Variants in PLCB3 observed in about 807,000 individuals in gnomAD.
The protein encoded by PLCB3 is 1-phosphatidylinositol 4,5-bisphosphate phosphodiesterase beta-3.
PLCB3 carries 54 observed loss-of-function variants against 152.1 expected under a neutral mutation model. The ratio of observed to expected loss-of-function variants is 0.36; its 90% CI spans 0.29 to 0.45. PLCB3 has a LOEUF of 0.45. PLCB3 is among the 20% of genes least tolerant of loss of function. The pLI, the probability that PLCB3 is intolerant of heterozygous loss-of-function variation, is 1.00. For synonymous variants in PLCB3, 717 were observed against 698.7 expected (o/e 1.03, Z -0.41); for missense variants, 1,248 against 1,687.5 (o/e 0.74, Z 4.56).
Position 64,260,196 on chromosome 11 carries a change from G to A in PLCB3, c.1693G>A (p.Glu565Lys). Reference protein sequence around the residue: ...REDEEEDEEEEEQTDPKKPTT... With the variant: ...REDEEEDEEEKEQTDPKKPTT... ...GGATGAGGAGGAAGATGAGGAAGAG[G>A]AGGAACAGACAGACCCCAAAAAGCC... is the stretch of plus-strand genomic sequence containing the variant. Residue 565 changes from glutamate (E) to lysine (K), a missense_variant, in exon 14 of 31, where the codon GAG (glutamate) becomes AAG (lysine). Transcript: ENST00000279230. The A allele has an allele frequency of 1.3e-6, 2 of 1,588,170 alleles. No individual in the cohort carries two copies. The highest frequency in any genetic ancestry group is 2.3e-5 in the South Asian group (2 of 87,794).
At chr11:64,259,402 G>T (rs1159337771) in intron 13 of PLCB3, among the ~76,000 whole-genome samples, 158 bp downstream of exon 13, 1 of 152,100 alleles carries the variant, frequency 6.6e-6, no homozygotes. Context: ...CTGTCGGCTG[G>T]TGTGGGGCCT....
chr11:64,258,769 A>T lies in PLCB3; in HGVS notation c.1253+56A>T. 6.2e-7 allele frequency: 1 copy of T among 1,608,846 alleles called. No individual in the cohort carries two copies. Among genetic ancestry groups the T allele is most frequent in the Non-Finnish European group, 8.5e-7 (1 of 1,176,328 alleles). On this transcript the variant is annotated intron_variant, in intron 11 of 30. Transcript: ENST00000279230. The surrounding 1 kb of genome is among the most constrained non-coding windows in gnomAD (Gnocchi z 7.2). ...GACCGGGGGACAGTCTTCCAGCTTC[A>T]GTGCTGTTGGACTGCTCAGGGACCT...
rs2031852581 is a variant in PLCB3, at chr11:64,261,576, C to T, written c.1829-5C>T. The T allele has an allele frequency of 6.2e-7, 1 of 1,614,150 alleles. No homozygotes were observed. The highest frequency in any genetic ancestry group is 8.5e-7 in the Non-Finnish European group (1 of 1,179,978). Reference sequence around the variant, plus strand: ...TCTGACGCCCTTTCTTGGCTCACCCCTAAGAGAGGAACAAATGCTTCGAGA... The same window carrying T: ...TCTGACGCCCTTTCTTGGCTCACCCTTAAGAGAGGAACAAATGCTTCGAGA... On this transcript the variant is annotated splice_region_variant and splice_polypyrimidine_tract_variant and intron_variant, in intron 15 of 30. Coordinates refer to ENST00000279230, the MANE Select transcript of PLCB3 (RefSeq NM_000932.5).
intron 13 of PLCB3, among the ~76,000 whole-genome samples, chr11:64,259,715 A>G (rs149186897): frequency 2.4e-4 from 36 of 151,754 alleles, no homozygotes; most frequent in African/African-American, 8.2e-4. Context: ...TAACCTCTCT[A>G]TGTCATCCCT....
Position 64,251,538 on chromosome 11 carries a change from G to T in PLCB3, c.-112G>T, listed in dbSNP as rs910487163. 2.0e-5 allele frequency: 4 copies of T among 196,064 alleles called. No homozygotes were observed. Among genetic ancestry groups the T allele is most frequent in the African/African-American group, 2.8e-5 (1 of 35,174 alleles). 12.1% of individuals were successfully genotyped at this position (196,064 alleles called of 1,614,324 possible). A position where few individuals can be genotyped will look rare whatever the true frequency, so the allele number is the denominator to read the frequency against. On this transcript the variant is annotated 5_prime_UTR_variant, in exon 1 of 31. Transcript: ENST00000279230. ...TCTGGTCGGTCCGGGACAGACTGGC[G>T]GGCGGGCGGGCACTGACGCCGCGGG...
intron 1 of PLCB3, 57 bp from the exon 2 acceptor site, chr11:64,254,358 C>T: frequency 1.4e-6 from 2 of 1,422,788 alleles, no homozygotes; most frequent in Non-Finnish European, 2.0e-6. Context: ...GCCCCAGGGG[C>T]CAGGCCTGCA....
At chr11:64,254,211 G>A (rs1297241809) in intron 1 of PLCB3, among the ~76,000 whole-genome samples, 1 of 152,118 alleles carries the variant, frequency 6.6e-6, no homozygotes, top group Admixed American at 6.5e-5. Flanking sequence ...GAGGCTTTGA[G>A]GTAGGTGTGA....
rs200819545 is a variant in PLCB3, at chr11:64,259,069, C to T, written c.1350C>T (p.Gly450=). The T allele has an allele frequency of 4.3e-6, 7 of 1,611,642 alleles. No individual in the cohort carries two copies. Among genetic ancestry groups the T allele is most frequent in the South Asian group, 2.2e-5 (2 of 90,912 alleles). Residue 450 remains glycine (G), a synonymous_variant, in exon 13 of 31, where the codon GGC becomes GGT. Coordinates refer to ENST00000279230, the MANE Select transcript of PLCB3 (RefSeq NM_000932.5). The stretch of plus-strand genomic sequence containing the variant: ...CCATGCCTGCCCAGCTGGCCCCAGG[C>T]GTTCCCCTGCCCAGCCCCCAGGACC... ...EPLDKYPLAP[G]VPLPSPQDLM...
intron 21 of PLCB3, 61 bp downstream of exon 21, chr11:64,263,856 C>T: frequency 1.4e-6 from 2 of 1,437,704 alleles, no homozygotes; most frequent in African/African-American, 1.4e-5. Context: ...GGGCCACCCC[C>T]AGGGCCTGGG....
chr11:64,264,011 C>G lies in PLCB3; in HGVS notation c.2561-10C>G. On this transcript the variant is annotated splice_polypyrimidine_tract_variant and intron_variant, in intron 21 of 30. Coordinates refer to ENST00000279230, the MANE Select transcript of PLCB3 (RefSeq NM_000932.5). ...TGTCTCTGAGACCTTGGCCTTCTGC[C>G]TCCCCCCAGACTATGCGGAGGCCCT... The G allele has an allele frequency of 6.4e-7, 1 of 1,567,532 alleles. No homozygotes were observed. Among genetic ancestry groups the G allele is most frequent in the South Asian group, 1.2e-5 (1 of 84,226 alleles).
rs753387328 is a variant in PLCB3, at chr11:64,263,581, C to T, written c.2439C>T (p.Val813=). 1 of 1,612,218 alleles carries T rather than the reference C, an allele frequency of 6.2e-7. No homozygotes were observed. Among genetic ancestry groups the T allele is most frequent in the Non-Finnish European group, 8.5e-7 (1 of 1,179,044 alleles). Residue 813 remains valine (V), a synonymous_variant, in exon 20 of 31, where the codon GTC becomes GTT. Coordinates refer to ENST00000279230, the MANE Select transcript of PLCB3 (RefSeq NM_000932.5). The part of the protein sequence containing the change: ...GKFVGHRILP[V]SAIRSGYHYV... ...TCGTAGGGCACCGGATCCTGCCTGT[C>T]TCTGCCATCCGCTCCGGTGAGGCCT...
chr11:64,256,583 C>T (rs1427221727), intron 9 of PLCB3, 35 bp from the exon 10 acceptor site: 1 of 1,613,216 alleles, frequency 6.2e-7, no homozygotes, highest in African/African-American at 1.3e-5. Flanking sequence ...GCAGGTGGGA[C>T]CCCAGCTGAC....
At chr11:64,263,819 T>C (rs2135062056) in intron 21 of PLCB3, 24 bp downstream of exon 21, 1 of 1,588,272 alleles carries the variant, frequency 6.3e-7, no homozygotes, top group Non-Finnish European at 8.6e-7. Flanking sequence ...GGGCGGGGCC[T>C]GCCTGGCCAG....
Position 64,262,684 on chromosome 11 carries a change from G to T in PLCB3, c.2231G>T (p.Gly744Val). The change falls in exon 19 of 31, where the codon GGC (glycine) becomes GTC (valine). Residue 744 changes from glycine to valine, a missense_variant. Coordinates refer to ENST00000279230, the MANE Select transcript of PLCB3 (RefSeq NM_000932.5). ...SGQFLSDRKV[G>V]IYVEVDMFGL... is the part of the protein sequence containing the mutation. ...CAGTTCCTGTCCGACAGGAAGGTGG[G>T]CATCTACGTGGAGGTGGACATGTTT... 6.2e-7 allele frequency: 1 copy of T among 1,614,008 alleles called. No homozygotes were observed. Among genetic ancestry groups the T allele is most frequent in the Non-Finnish European group, 8.5e-7 (1 of 1,180,030 alleles).
At position 64,255,112 on chromosome 11, in the gene PLCB3, C is replaced by G. The variant is rs2031449377; in HGVS notation, c.387+74C>G. Reference sequence around the variant, plus strand: ...GAGTCGGCCGTCACTTACCGAACACCTGCTGTGTTCTAGGCTGCTCTGTGA... The same window carrying G: ...GAGTCGGCCGTCACTTACCGAACACGTGCTGTGTTCTAGGCTGCTCTGTGA... On this transcript the variant is annotated intron_variant, in intron 4 of 30. Coordinates refer to ENST00000279230, the MANE Select transcript of PLCB3 (RefSeq NM_000932.5). The surrounding 1 kb of genome is among the most constrained non-coding windows in gnomAD (Gnocchi z 6.8). The G allele has an allele frequency of 1.3e-6, 2 of 1,534,742 alleles. No individual in the cohort carries two copies. Among genetic ancestry groups the G allele is most frequent in the Non-Finnish European group, 1.8e-6 (2 of 1,111,370 alleles).
At chr11:64,261,878 C>A (rs2031869935) in intron 16 of PLCB3, 74 bp from the exon 17 acceptor site, 1 of 1,596,346 alleles carries the variant, frequency 6.3e-7, no homozygotes, top group Non-Finnish European at 8.6e-7. Context: ...CACAGGAGCA[C>A]CTGGCTGAGG....
chr11:64,268,742 C>T (rs1242207126), downstream of PLCB3: 1 of 152,344 alleles, frequency 6.6e-6, no homozygotes, highest in Admixed American at 6.5e-5. Flanking sequence ...CCTCTCCCAG[C>T]TTCCTGGCTC....
In PLCB3 at chr11:64,255,580, G is replaced by T; in HGVS notation, c.561G>T (p.Glu187Asp). The T allele has an allele frequency of 6.3e-7, 1 of 1,585,506 alleles. No individual in the cohort carries two copies. Among genetic ancestry groups the T allele is most frequent in the Non-Finnish European group, 8.6e-7 (1 of 1,163,118 alleles). The part of the protein sequence containing the change: ...KMFSADKKRV[E>D]TALESCGLKF... ...TCTCAGCAGACAAGAAGCGGGTGGAGACTGCGCTGGAATCCTGTGGCCTCA... is the reference window on the plus strand; with the variant it reads ...TCTCAGCAGACAAGAAGCGGGTGGATACTGCGCTGGAATCCTGTGGCCTCA... The change falls in exon 7 of 31, where the codon GAG becomes GAT. Residue 187 changes from glutamate (E) to aspartate (D), a missense_variant. Glu to Asp is a conservative substitution (Grantham distance 45, BLOSUM62 2). This residue lies in a region of PLCB3 where 299 missense variants were observed against 434.7 expected (regional missense o/e 0.69). Coordinates refer to ENST00000279230, the MANE Select transcript of PLCB3 (RefSeq NM_000932.5). This position sits in a 1 kb window ranked among gnomAD's most constrained non-coding sequence, Gnocchi z 6.8.
chr11:64,254,811 C>T lies in PLCB3; in HGVS notation c.241C>T (p.Pro81Ser). 1 of 1,613,840 alleles carries T rather than the reference C, an allele frequency of 6.2e-7. No homozygotes were observed. The highest frequency in any genetic ancestry group is 8.5e-7 in the Non-Finnish European group (1 of 1,179,988). Residue 81 changes from proline (P) to serine (S), a missense_variant, in exon 3 of 31, where the codon CCC (proline) becomes TCC (serine). Pro to Ser is a moderately conservative substitution (Grantham distance 74, BLOSUM62 -1). Transcript: ENST00000279230. ...ACGGACAGGCCGGTACGCCCGCCTG[C>T]CCAAGGTGAGTGATGAGCCTGGGAG... ...DTRTGRYARL[P>S]KDPKIREVLG...
Sources: allele counts gnomAD v4.1 joint callset (sites outside exome capture counted in the v4.1 genomes callset), GRCh38; gene constraint gnomAD v4.1.1; regional missense constraint gnomAD v4.1.1; non-coding constraint Gnocchi (gnomAD v3.1); transcripts MANE v1.5; gene names NCBI Gene and HGNC (gene_info 2026-07-23, HGNC 2026-07-21).